Variants in CDH12 observed in about 807,000 individuals in gnomAD.
CDH12 encodes cadherin-12.
A neutral mutation model predicts 74.1 loss-of-function variants in CDH12; 41 were observed. The ratio of observed to expected loss-of-function variants is 0.55; its 90% CI spans 0.43 to 0.72. The LOEUF (loss-of-function observed/expected upper bound fraction) is 0.72. Among genes scored for constraint, CDH12 ranks in the 30% least tolerant of loss-of-function variants. The pLI is 0.00. For missense variants in CDH12, 945 were observed against 977.2 expected (o/e 0.97, Z 0.44); for synonymous variants, 399 against 355.0 (o/e 1.12, Z -1.39).
At chr5:22,341,118 T>A (rs1368806330) in intron 3 of CDH12, among the ~76,000 whole-genome samples, 2 of 152,208 alleles carry the variant, frequency 1.3e-5, no homozygotes, top group Non-Finnish European at 2.9e-5. Flanking sequence ...TTCTCCTATT[T>A]TAAGAACTGC....
chr5:22,141,988 G>T (rs1047627591), intron 4 of CDH12, among the ~76,000 whole-genome samples: 8 of 152,102 alleles, frequency 5.3e-5, no homozygotes, highest in Non-Finnish European at 1.0e-4. Flanking sequence ...AGGGTGGTTT[G>T]GTTCCAGAAT....
At chr5:22,405,845 T>C (rs981766001) in intron 2 of CDH12, among the ~76,000 whole-genome samples, 9 of 152,126 alleles carry the variant, frequency 5.9e-5, no homozygotes, top group African/African-American at 2.2e-4. Flanking sequence ...GATGTTCAAG[T>C]TCCTAATATA....
chr5:22,751,762 C>A (rs1054020042), intron 1 of CDH12, among the ~76,000 whole-genome samples: 2 of 152,148 alleles, frequency 1.3e-5, no homozygotes, highest in African/African-American at 4.8e-5. Context: ...AATCTTACTT[C>A]ACTTCACAGC....
At chr5:22,652,485 C>A (rs567148757) in intron 1 of CDH12, among the ~76,000 whole-genome samples, 1 of 152,196 alleles carries the variant, frequency 6.6e-6, no homozygotes, top group East Asian at 1.9e-4. Context: ...AGATCGATTC[C>A]ATTTGAACAA....
At chr5:22,195,686 C>G (rs1442361703) in intron 4 of CDH12, among the ~76,000 whole-genome samples, 1 of 152,120 alleles carries the variant, frequency 6.6e-6, no homozygotes, top group African/African-American at 2.4e-5. Context: ...CACACAGAAG[C>G]AAAGGATTCT....
intron 1 of CDH12, among the ~76,000 whole-genome samples, chr5:22,799,596 T>A (rs1748405740): frequency 6.6e-6 from 1 of 152,152 alleles, no homozygotes; most frequent in Admixed American, 6.5e-5. Flanking sequence ...TGACACTTTT[T>A]AAAAATACGT....
At chr5:22,675,145 A>G (rs1032856733) in intron 1 of CDH12, among the ~76,000 whole-genome samples, 1 of 152,154 alleles carries the variant, frequency 6.6e-6, no homozygotes, top group Non-Finnish European at 1.5e-5. Flanking sequence ...TTCCCGTCAC[A>G]GGCCCAGAAG....
At chr5:22,563,091 T>C (rs1739139565) in intron 1 of CDH12, among the ~76,000 whole-genome samples, 1 of 148,300 alleles carries the variant, frequency 6.7e-6, no homozygotes, top group Non-Finnish European at 1.5e-5. Context: ...TATATATATG[T>C]AAATTTTTTT....
chr5:22,340,700 T>C (rs1739812943), intron 3 of CDH12, among the ~76,000 whole-genome samples: 2 of 152,200 alleles, frequency 1.3e-5, no homozygotes, highest in African/African-American at 2.4e-5. Context: ...AAATATTCTA[T>C]AGACAATAAT....
intron 1 of CDH12, chr5:22,638,992 A>G (rs1738987223): frequency 7.5e-6 from 1 of 132,962 alleles, no homozygotes; most frequent in Non-Finnish European, 1.5e-5. Context: ...CGGAGCTTGC[A>G]GTGAGCCGAG....
intron 3 of CDH12, among the ~76,000 whole-genome samples, chr5:22,270,251 C>T (rs904633380): frequency 2.6e-5 from 4 of 152,096 alleles, no homozygotes; most frequent in African/African-American, 9.7e-5. Flanking sequence ...ATTACTAAAA[C>T]TAATACTAAC....
Position 22,253,143 on chromosome 5 carries a change from A to G in CDH12, c.-332-40500T>C, listed in dbSNP as rs375784123. On this transcript the variant is annotated intron_variant, in intron 3 of 14. Transcript: ENST00000382254. ...AATGAATTAATTTATGATTCAGGAT[A>G]ATACAATATGCAATATAATATACTA... 3.3e-5 allele frequency among the ~76,000 whole-genome samples: 5 copies of G among 151,982 alleles called. No homozygotes were observed. The East Asian group carries it at 7.7e-4, about 23-fold the overall frequency.
intron 3 of CDH12, among the ~76,000 whole-genome samples, chr5:22,274,761 T>G (rs1369889944): frequency 6.6e-6 from 1 of 152,160 alleles, no homozygotes; most frequent in African/African-American, 2.4e-5. Flanking sequence ...TAAGCCTTTA[T>G]TGTCTTACTG....
intron 1 of CDH12, among the ~76,000 whole-genome samples, chr5:22,610,346 A>C (rs1408777048): frequency 6.6e-6 from 1 of 152,182 alleles, no homozygotes; most frequent in African/African-American, 2.4e-5. Context: ...GTCTTCACAT[A>C]TTTATAATAT....
chr5:22,643,051 A>G (rs1163808766), intron 1 of CDH12, among the ~76,000 whole-genome samples: 1 of 152,160 alleles, frequency 6.6e-6, no homozygotes, highest in Non-Finnish European at 1.5e-5. Context: ...AAGCTTTTGT[A>G]TTGATGCTTA....
intron 4 of CDH12, among the ~76,000 whole-genome samples, chr5:22,163,363 T>C (rs4535427): frequency 0.31 from 46,776 of 151,994 alleles, 7,500 homozygotes; most frequent in South Asian, 0.38. Context: ...TGCATGTACA[T>C]AACACAAAGA....
intron 4 of CDH12, chr5:22,212,297 G>A (rs1178344446): frequency 6.6e-6 from 1 of 152,660 alleles, no homozygotes; most frequent in African/African-American, 2.4e-5. Context: ...CTGGATACAA[G>A]GCAGAATGAA....
chr5:22,456,772 T>C (rs193211158), intron 2 of CDH12, among the ~76,000 whole-genome samples: 4 of 152,292 alleles, frequency 2.6e-5, no homozygotes, highest in East Asian at 1.9e-4. Context: ...CACTTTTCTC[T>C]AGCTTAAGAT....
At chr5:21,994,166 G>A (rs1461488507) in intron 5 of CDH12, among the ~76,000 whole-genome samples, 3 of 151,740 alleles carry the variant, frequency 2.0e-5, no homozygotes, top group Admixed American at 6.6e-5. Flanking sequence ...ATAATCATGG[G>A]CAGCTTTTTA....
Sources: allele counts gnomAD v4.1 joint callset (sites outside exome capture counted in the v4.1 genomes callset), GRCh38; gene constraint gnomAD v4.1.1; transcripts MANE v1.5; gene names NCBI Gene and HGNC (gene_info 2026-07-23, HGNC 2026-07-21).